MUC12: variants seen among roughly 807,000 people sequenced by gnomAD.
MUC12 encodes the protein mucin-12.
A neutral mutation model predicts 230.8 loss-of-function variants in MUC12; 172 were observed. The ratio of observed to expected loss-of-function variants is 0.75; its 90% CI spans 0.66 to 0.85. MUC12 has a LOEUF of 0.85. MUC12 is among the 40% of genes least tolerant of loss of function. The pLI is 0.00. For missense variants in MUC12, 3,506 were observed against 5,920.6 expected (o/e 0.59, Z 13.38); for synonymous variants, 1,259 against 2,401.9 (o/e 0.52, Z 13.91).
intron 5 of MUC12, among the ~76,000 whole-genome samples, 162 bp downstream of exon 5, chr7:101,009,321 C>A (rs923633476): frequency 8.5e-5 from 13 of 152,298 alleles, no homozygotes; most frequent in African/African-American, 2.6e-4. Flanking sequence ...TTTCATTCTT[C>A]ATTCATTCAT....
chr7:100,974,367 G>A (rs1447591704), intron 1 of MUC12, among the ~76,000 whole-genome samples: 1 of 139,536 alleles, frequency 7.2e-6, no homozygotes, highest in Non-Finnish European at 1.6e-5. Context: ...ATACTGTTCT[G>A]CACACATCCC....
chr7:101,007,381 A>G (rs191858236), intron 3 of MUC12, among the ~76,000 whole-genome samples: 1 of 151,940 alleles, frequency 6.6e-6, no homozygotes, highest in Non-Finnish European at 1.5e-5. Context: ...AACCATGCCC[A>G]CCTCCCTCTC....
At chr7:100,988,289 G>GAAAAAAAAAAAAAA (rs1167163725) in intron 1 of MUC12, among the ~76,000 whole-genome samples, 1 of 78,732 alleles carries the variant, frequency 1.3e-5, no homozygotes, top group African/African-American at 4.6e-5. Flanking sequence ...GGCTGTCCCA[G>GAAAAAAAAAAAAAA]AAAAAAAAAA....
At chr7:101,012,677 G>T in intron 6 of MUC12, 142 bp from the exon 7 acceptor site, 1 of 1,027,132 alleles carries the variant, frequency 9.7e-7, no homozygotes, top group Non-Finnish European at 1.4e-6. Context: ...CACAAGCCCA[G>T]CTGCATGTCT....
At position 100,992,989 on chromosome 7, in the gene MUC12, C is replaced by T. The variant is rs780292711; in HGVS notation, c.2426C>T (p.Ala809Val). Residue 809 changes from alanine to valine, a missense_variant, in exon 2 of 12, where the codon GCG (alanine) becomes GTG (valine). Transcript: ENST00000536621. ...AGTTCAGGCTCAATGGAAACGACAG[C>T]GTTACCCGGCAGTACCACAACGCCA... is the stretch of plus-strand genomic sequence containing the variant. Reference protein sequence around the residue: ...PISSGSMETTALPGSTTTPGL... With the variant: ...PISSGSMETTVLPGSTTTPGL... The T allele has an allele frequency of 1.5e-4, 236 of 1,537,296 alleles. 1 individual carries two copies. The highest frequency in any genetic ancestry group is 1.3e-3 in the South Asian group (113 of 84,032).
chr7:101,013,810 T>G, intron 8 of MUC12, 103 bp from the exon 9 acceptor site: 1 of 1,307,998 alleles, frequency 7.6e-7, no homozygotes, highest in Non-Finnish European at 1.0e-6. Context: ...GCCGTTGGAG[T>G]GAGGGAGATC....
chr7:101,017,359 G>A (rs1232636000), intron 10 of MUC12: 4 of 531,616 alleles, frequency 7.5e-6, no homozygotes, highest in Non-Finnish European at 1.3e-5. Context: ...CTTCTGCTCC[G>A]CTCCCTCCTG....
Position 100,991,013 on chromosome 7 carries a change from A to G in MUC12, c.450A>G (p.Thr150=). The change falls in exon 2 of 12, where the codon ACA becomes ACG. Residue 150 remains threonine, a synonymous_variant. Transcript: ENST00000536621. ...GTAGCCCCAGATCACCAGACAGAAC[A>G]CTCTCACCTGCCCGCACGACAAGCT... ...FYSSPRSPDR[T]LSPARTTSSG... 2 of 1,537,608 alleles carry G rather than the reference A, an allele frequency of 1.3e-6. No individual in the cohort carries two copies. The highest frequency in any genetic ancestry group is 1.7e-6 in the Non-Finnish European group (2 of 1,146,986).
At chr7:100,981,991 G>A (rs1000210596) in intron 1 of MUC12, among the ~76,000 whole-genome samples, 6 of 150,352 alleles carry the variant, frequency 4.0e-5, no homozygotes, top group East Asian at 4.0e-4. Context: ...CTCAGCCTCC[G>A]GAGTAGCTGG....
At position 101,013,261 on chromosome 7, in the gene MUC12, C is replaced by T. The variant is rs1793864434; in HGVS notation, c.15638+119C>T. ...GAGCTTGGGAGGTGCCTCCTCCCCACTCCTGGACATACCTCTCCCCTGTAA... is the reference window on the plus strand; with the variant it reads ...GAGCTTGGGAGGTGCCTCCTCCCCATTCCTGGACATACCTCTCCCCTGTAA... On this transcript the variant is annotated intron_variant, in intron 8 of 11. Coordinates refer to ENST00000536621, the MANE Select transcript of MUC12 (RefSeq NM_001164462.2). The T allele has an allele frequency of 3.7e-6, 4 of 1,087,332 alleles. No individual in the cohort carries two copies. In the Admixed American group the frequency reaches 8.9e-5, roughly 24 times the overall value. 67.4% of individuals were successfully genotyped at this position (1,087,332 alleles called of 1,614,324 possible).
In MUC12 at chr7:100,992,043, A is replaced by G. The variant is rs1584831867; in HGVS notation, c.1480A>G (p.Thr494Ala). The change falls in exon 2 of 12, where the codon ACC (threonine) becomes GCC (alanine). Residue 494 changes from threonine (T) to alanine (A), a missense_variant. Transcript: ENST00000536621. ...AAAACCAGGCCTCAGTGAGAAATCT[A>G]CCACTTTCTACAGTAGCCCCAGATC... ...TTKPGLSEKSTTFYSSPRSPD... is the reference protein window; with the variant it reads ...TTKPGLSEKSATFYSSPRSPD... The G allele has an allele frequency of 1.3e-6, 2 of 1,537,974 alleles. No individual in the cohort carries two copies. Among genetic ancestry groups the G allele is most frequent in the African/African-American group, 2.7e-5 (2 of 73,170 alleles).
intron 1 of MUC12, among the ~76,000 whole-genome samples, chr7:100,976,133 C>T (rs935861807): frequency 1.4e-4 from 1 of 6,904 alleles, no homozygotes; most frequent in African/African-American, 5.5e-4. Context: ...AAAAAGTTAG[C>T]TGGGTGTGGT....
chr7:101,005,347 C>A lies in MUC12; in HGVS notation c.14784C>A (p.Asp4928Glu). ...TACCTGCCCGCTCCACAGCCTCAGA[C>A]CTTGTTGGAGAACCTACAACTTTCT... The part of the protein sequence containing the change: ...TPLPARSTAS[D>E]LVGEPTTFYI... Residue 4928 changes from aspartate to glutamate, a missense_variant, in exon 2 of 12, where the codon GAC (aspartate) becomes GAA (glutamate). Transcript: ENST00000536621. 1 of 1,537,942 alleles carries A rather than the reference C, an allele frequency of 6.5e-7. No homozygotes were observed. The highest frequency in any genetic ancestry group is 2.4e-5 in the East Asian group (1 of 40,922).
rs1377850654 is a variant in MUC12, at chr7:101,005,224, CACTCACACA to C, written c.14662_14670del (p.Thr4888_Thr4890del). The C allele has an allele frequency of 5.2e-6, 8 of 1,537,802 alleles. No individual in the cohort carries two copies. The highest frequency in any genetic ancestry group is 1.4e-5 in the African/African-American group (1 of 73,046). On this transcript the variant is annotated inframe_deletion, in exon 2 of 12. Transcript: ENST00000536621. ...CACCCTTCCCTGACAGCCCAGGCTT[CACTCACACA>C]GTGTTACCTGCCACCCTCACAACCA...
At chr7:101,015,584 C>T (rs1042289428) in intron 9 of MUC12, 31 bp from the exon 10 acceptor site, 26 of 1,534,654 alleles carry the variant, frequency 1.7e-5, no homozygotes, top group Non-Finnish European at 2.3e-5. Context: ...GCCTCCTTGC[C>T]TACAGCTGCT....
chr7:101,004,715 C>T lies in MUC12; in HGVS notation c.14152C>T (p.Pro4718Ser), dbSNP rs10249439. 1.1e-3 allele frequency: 1,764 copies of T among 1,537,078 alleles called. 17 individuals are homozygous for T. In the African/African-American group the frequency reaches 0.02, roughly 17 times the overall value. ...AGAATCTACCACCTTCTATATCTCT[C>T]CAGGCTCAATGGAAACAACATTAGC... ...IAESTTFYIS[P>S]GSMETTLAST... The change falls in exon 2 of 12, where the codon CCA (proline) becomes TCA (serine). Residue 4718 changes from proline to serine, a missense_variant. Transcript: ENST00000536621.
chr7:101,009,203 C>G, intron 5 of MUC12, 44 bp downstream of exon 5: 1 of 1,515,884 alleles, frequency 6.6e-7, no homozygotes, highest in Non-Finnish European at 8.9e-7. Context: ...GGGAAATCCT[C>G]CTTGTCCCTG....
chr7:101,013,107 C>A lies in MUC12; in HGVS notation c.15603C>A (p.Gly5201=). The change falls in exon 8 of 12, where the codon GGC becomes GGA. Residue 5201 remains glycine, a synonymous_variant. Transcript: ENST00000536621. ...AGTCGCAAATGAACTGTAACCTGGGCACATGTCAGCTGCAACGCAGTGGCC... is the reference window on the plus strand; with the variant it reads ...AGTCGCAAATGAACTGTAACCTGGGAACATGTCAGCTGCAACGCAGTGGCC... The part of the protein sequence containing the change: ...GTKSQMNCNL[G]TCQLQRSGPR... The A allele has an allele frequency of 6.5e-7, 1 of 1,537,302 alleles. No individual in the cohort carries two copies. The highest frequency in any genetic ancestry group is 8.7e-7 in the Non-Finnish European group (1 of 1,146,922).
Position 100,990,345 on chromosome 7 carries a change from C to T in MUC12, c.68-286C>T, listed in dbSNP as rs564413650. ...TAATGTGCTTGAATCATCCCAAAAC[C>T]ATTCCCCCAATAGCCAACAGCTCAA... On this transcript the variant is annotated intron_variant, in intron 1 of 11. Transcript: ENST00000536621. Among the ~76,000 whole-genome samples the T allele has an allele frequency of 3.7e-4, 57 of 152,326 alleles. 1 individual carries two copies. The highest frequency in any genetic ancestry group is 6.8e-3 in the Middle Eastern group (2 of 294).
Sources: gnomAD v4.1 joint callset for allele counts (sites outside exome capture counted in the v4.1 genomes callset) on GRCh38, gnomAD v4.1.1 for gene constraint, MANE v1.5 for transcripts, NCBI Gene and HGNC (gene_info 2026-07-23, HGNC 2026-07-21) for gene names.